Variants in ZNF469 observed in about 807,000 individuals in gnomAD.
The protein encoded by ZNF469 is zinc finger protein 469.
In ZNF469, 1 loss-of-function variant was observed where a neutral mutation model predicts 1.0. That is an observed-to-expected ratio of 1.00 (90% CI 0.35 to 4.73). ZNF469 has a LOEUF of 4.73. Among genes scored for constraint, ZNF469 ranks in the 30% most tolerant of loss-of-function variants. The probability of loss-of-function intolerance (pLI) is 0.16; values close to 1 mark genes in which losing one functional copy is unlikely to be tolerated. For missense variants in ZNF469, 6,100 were observed against 5,356.3 expected, an observed-to-expected ratio of 1.14 and a Z score of -4.33; for synonymous variants, 2,703 against 2,363.4, an observed-to-expected ratio of 1.14 and a Z score of -4.17.
chr16:88,296,602 TCA>T, the ZNF469 span, among the ~76,000 whole-genome samples: 8 of 147,074 alleles, frequency 5.4e-5, no homozygotes, highest in East Asian at 1.4e-3. Context: ...ACATGCACAC[TCA>T]CAGACATGCT....
chr16:88,152,169 A>G, the ZNF469 span, among the ~76,000 whole-genome samples: 1 of 152,186 alleles, frequency 6.6e-6, no homozygotes. This position sits in a 1 kb window ranked among gnomAD's most constrained non-coding sequence, Gnocchi z 4.2. Context: ...AATTCTGAGA[A>G]CTGTAGCGAA....
the ZNF469 span, among the ~76,000 whole-genome samples, chr16:88,295,373 C>T: frequency 3.9e-3 from 255 of 66,050 alleles, 7 homozygotes; most frequent in Middle Eastern, 0.026. Flanking sequence ...CTGGGGAGGA[C>T]GTCATCTCGG....
chr16:88,427,725 C>A lies in ZNF469; in HGVS notation c.255C>A (p.Ser85Arg). Residue 85 changes from serine to arginine, a missense_variant, in exon 3 of 3, where the codon AGC becomes AGA. Coordinates refer to ENST00000565624, the MANE Select transcript of ZNF469 (RefSeq NM_001367624.2). ...PPSLRGQAPS[S>R]TPGKRGSPQT... ...CCCTGAGAGGCCAGGCCCCGAGCAG[C>A]ACCCCTGGGAAGAGGGGCAGCCCCC... The A allele has an allele frequency of 6.5e-7, 1 of 1,536,618 alleles. No homozygotes were observed.
intron 1 of ZNF469, among the ~76,000 whole-genome samples, chr16:88,390,432 C>T (rs1337541961): frequency 6.6e-6 from 1 of 152,168 alleles, no homozygotes; most frequent in African/African-American, 2.4e-5. Context: ...ACGTGGGGTC[C>T]ATGAGCACTG....
chr16:88,244,829 G>T, the ZNF469 span, among the ~76,000 whole-genome samples: 1 of 148,106 alleles, frequency 6.8e-6, no homozygotes, highest in Non-Finnish European at 1.5e-5. Context: ...CCAGTGGCAT[G>T]GCTCAGAAAG....
In ZNF469 at chr16:88,433,875, A is replaced by ACCT; in HGVS notation, c.6406_6407insCTC (p.Pro2135dup). 6.5e-7 allele frequency: 1 copy of ACCT among 1,548,658 alleles called. No homozygotes were observed. The highest frequency in any genetic ancestry group is 8.7e-7 in the Non-Finnish European group (1 of 1,145,878). On this transcript the variant is annotated inframe_insertion, in exon 3 of 3. Transcript: ENST00000565624. ...TTGGGCCCCTGCCCCGTGAAGACCC[A>ACCT]CTTACCTCGCCTTCCAGGGCCCAAG... is the stretch of plus-strand genomic sequence containing the variant.
At chr16:88,331,541 A>T in the ZNF469 span, among the ~76,000 whole-genome samples, 2 of 151,540 alleles carry the variant, frequency 1.3e-5, no homozygotes, top group African/African-American at 4.9e-5. Flanking sequence ...CACTATCATC[A>T]CCATCACCAC....
chr16:88,363,063 T>C, the ZNF469 span, among the ~76,000 whole-genome samples: 1 of 152,318 alleles, frequency 6.6e-6, no homozygotes, highest in South Asian at 2.1e-4. Context: ...TTCCTTTTTA[T>C]AGTTTCTATT....
At chr16:88,401,770 GA>G (rs1904877943) in intron 1 of ZNF469, among the ~76,000 whole-genome samples, 1 of 151,358 alleles carries the variant, frequency 6.6e-6, no homozygotes, top group Admixed American at 6.6e-5. Context: ...TGGGTAGATG[GA>G]TGGATGCATG....
the ZNF469 span, among the ~76,000 whole-genome samples, chr16:88,228,336 G>A: frequency 9.8e-5 from 15 of 152,366 alleles, no homozygotes; most frequent in Middle Eastern, 3.4e-3. Context: ...CAGCACACAC[G>A]GCGCCTGGCA....
At chr16:88,239,267 C>T in the ZNF469 span, among the ~76,000 whole-genome samples, 1 of 152,064 alleles carries the variant, frequency 6.6e-6, no homozygotes, top group African/African-American at 2.4e-5. Context: ...GGTAGATCAG[C>T]TGGGAAAAAA....
At chr16:88,241,360 A>G in the ZNF469 span, among the ~76,000 whole-genome samples, 6 of 149,256 alleles carry the variant, frequency 4.0e-5, no homozygotes, top group South Asian at 6.4e-4. The surrounding 1 kb of genome is among the most constrained non-coding windows in gnomAD (Gnocchi z 4.8). Context: ...CTCCCTCTAA[A>G]AAAAAAAAAA....
upstream of ZNF469, among the ~76,000 whole-genome samples, chr16:88,382,211 G>A (rs755156689): frequency 3.9e-5 from 6 of 152,228 alleles, no homozygotes; most frequent in Non-Finnish European, 8.8e-5. Flanking sequence ...AGCCGGGGAC[G>A]GGCACGTACT....
chr16:88,347,432 A>G, the ZNF469 span, among the ~76,000 whole-genome samples: 1 of 152,134 alleles, frequency 6.6e-6, no homozygotes, highest in African/African-American at 2.4e-5. Flanking sequence ...AGAGACGGTC[A>G]CACGTAGACA....
Position 88,429,231 on chromosome 16 carries a change from C to A in ZNF469, c.1761C>A (p.Ser587=). Residue 587 remains serine, a synonymous_variant, in exon 3 of 3, where the codon TCC becomes TCA. Coordinates refer to ENST00000565624, the MANE Select transcript of ZNF469 (RefSeq NM_001367624.2). ...SLPPPRVVGA[S]PSESPLPSPA... The stretch of plus-strand genomic sequence containing the variant: ...CCCCACCGAGGGTAGTGGGAGCCTC[C>A]CCCAGCGAGTCCCCACTGCCGTCAC... 6.5e-7 allele frequency: 1 copy of A among 1,549,818 alleles called. No homozygotes were observed.
At chr16:88,426,917 G>A (rs1369281146) in intron 2 of ZNF469, among the ~76,000 whole-genome samples, 1 of 152,124 alleles carries the variant, frequency 6.6e-6, no homozygotes, top group African/African-American at 2.4e-5. Flanking sequence ...ATCCACCTGG[G>A]CCCTCCTGGA....
chr16:88,234,428 C>G, the ZNF469 span, among the ~76,000 whole-genome samples: 3 of 152,326 alleles, frequency 2.0e-5, no homozygotes, highest in East Asian at 3.9e-4. Flanking sequence ...CAGAACGGTA[C>G]AAAGAATTAA....
chr16:88,225,297 T>C, the ZNF469 span, among the ~76,000 whole-genome samples: 1 of 152,264 alleles, frequency 6.6e-6, no homozygotes, highest in Admixed American at 6.5e-5. Flanking sequence ...GGCTGAATTC[T>C]GGCTGAATCC....
At chr16:88,329,481 G>A in the ZNF469 span, among the ~76,000 whole-genome samples, 1 of 152,210 alleles carries the variant, frequency 6.6e-6, no homozygotes, top group Non-Finnish European at 1.5e-5. Context: ...CCTCCCGCTG[G>A]CCCTCTGAGG....
Sources: allele counts gnomAD v4.1 joint callset (sites outside exome capture counted in the v4.1 genomes callset), GRCh38; gene constraint gnomAD v4.1.1; non-coding constraint Gnocchi (gnomAD v3.1); transcripts MANE v1.5; gene names NCBI Gene and HGNC (gene_info 2026-07-23, HGNC 2026-07-21).